The following STRIP2 variants were observed in gnomAD, a reference collection of about 807,000 sequenced individuals.
The protein encoded by STRIP2 is striatin-interacting protein 2.
A neutral mutation model predicts 107.1 loss-of-function variants in STRIP2; 84 were observed. That is an observed-to-expected ratio of 0.78 (90% CI 0.66 to 0.94). The LOEUF (loss-of-function observed/expected upper bound fraction) is 0.94. Ranked by LOEUF, STRIP2 falls within the 40% of genes least tolerant of loss-of-function variation. The pLI is 0.00. For synonymous variants in STRIP2, 394 were observed against 400.4 expected, an observed-to-expected ratio of 0.98 and a Z score of 0.19; for missense variants, 888 against 1,034.2, an observed-to-expected ratio of 0.86 and a Z score of 1.94.
chr7:129,439,148 A>T (rs557669042), intron 1 of STRIP2, among the ~76,000 whole-genome samples: 6 of 152,296 alleles, frequency 3.9e-5, no homozygotes, highest in Non-Finnish European at 8.8e-5. Flanking sequence ...CTTTCCTAAC[A>T]TAAGTCACCT....
chr7:129,463,548 T>A (rs928865487), intron 14 of STRIP2, among the ~76,000 whole-genome samples: 1 of 151,268 alleles, frequency 6.6e-6, no homozygotes, highest in East Asian at 1.9e-4. Context: ...CAGGCTGGAG[T>A]GCAGTGGCAC....
Position 129,453,258 on chromosome 7 carries a change from T to C in STRIP2, c.441T>C (p.Asp147=), listed in dbSNP as rs1310353154. 3 of 1,614,126 alleles carry C rather than the reference T, an allele frequency of 1.9e-6. No homozygotes were observed. The highest frequency in any genetic ancestry group is 1.1e-5 in the South Asian group (1 of 91,084). The change falls in exon 5 of 21, where the codon GAT becomes GAC. Residue 147 remains aspartate (D), a synonymous_variant. Transcript: ENST00000249344. ...TTGGGGAATGTGATTCAGAGGTCGATGTGCTACACTGGTCCAGGTACAACT... is the reference window on the plus strand; with the variant it reads ...TTGGGGAATGTGATTCAGAGGTCGACGTGCTACACTGGTCCAGGTACAACT... ...GTFGECDSEV[D]VLHWSRYNCF...
rs1250112792 is a variant in STRIP2, at chr7:129,480,817, G to A, written c.1977G>A (p.Arg659=). The change falls in exon 19 of 21, where the codon AGG becomes AGA. Residue 659 remains arginine (R), a synonymous_variant. Coordinates refer to ENST00000249344, the MANE Select transcript of STRIP2 (RefSeq NM_020704.3). ...GAGACAACAGCCAGTTCTGCTGGAG[G>A]AACCTCTTTTCCTGCATCAACCTCC... is the stretch of plus-strand genomic sequence containing the variant. ...EAGDNSQFCW[R]NLFSCINLLR... 1.2e-6 allele frequency: 2 copies of A among 1,613,846 alleles called. No individual in the cohort carries two copies. Among genetic ancestry groups the A allele is most frequent in the African/African-American group, 2.7e-5 (2 of 74,912 alleles).
In STRIP2 at chr7:129,434,476, G is replaced by A; in HGVS notation, c.4G>A (p.Glu2Lys). The A allele has an allele frequency of 1.3e-6, 2 of 1,513,388 alleles. No homozygotes were observed. The highest frequency in any genetic ancestry group is 1.8e-6 in the Non-Finnish European group (2 of 1,137,514). The allele number at this position is 1,513,388 out of a possible 1,614,324, so 93.7% of individuals were successfully genotyped here. Residue 2 changes from glutamate to lysine, a missense_variant, in exon 1 of 21, where the codon GAG becomes AAG. By Grantham distance (56) the Glu-to-Lys change is moderately conservative (BLOSUM62 1). Transcript: ENST00000249344. ...AGGGGAGCCGCTGACCAGCAGCATG[G>A]AGGACCCCGCCGCGCCTGGGACCGG... Reference protein sequence around the residue: MEDPAAPGTGGP... With the variant: MKDPAAPGTGGP...
At chr7:129,436,065 G>A (rs1797730165) in intron 1 of STRIP2, among the ~76,000 whole-genome samples, 1 of 152,090 alleles carries the variant, frequency 6.6e-6, no homozygotes, top group African/African-American at 2.4e-5. Flanking sequence ...ACTTCAAGAT[G>A]AGTCTGGTCT....
At chr7:129,444,313 G>C (rs1326611342) in intron 3 of STRIP2, among the ~76,000 whole-genome samples, 2 of 152,154 alleles carry the variant, frequency 1.3e-5, no homozygotes, top group Non-Finnish European at 2.9e-5. Flanking sequence ...TCCCATAATA[G>C]GCTGTCTGCA....
intron 13 of STRIP2, 47 bp downstream of exon 13, chr7:129,460,419 T>A: frequency 2.6e-6 from 4 of 1,513,288 alleles, no homozygotes; most frequent in Non-Finnish European, 2.7e-6. Flanking sequence ...AGAAAACCTG[T>A]CTTCAGTGTT....
At chr7:129,460,434 C>A in intron 13 of STRIP2, 62 bp downstream of exon 13, 1 of 1,402,514 alleles carries the variant, frequency 7.1e-7, no homozygotes, top group Non-Finnish European at 1.0e-6. Flanking sequence ...AGTGTTGTCA[C>A]AGAGCATGTG....
Position 129,441,955 on chromosome 7 carries a change from G to A in STRIP2, c.199+1864G>A, listed in dbSNP as rs139858428. Among the ~76,000 whole-genome samples, 389 of 152,280 alleles carry A rather than the reference G, an allele frequency of 2.6e-3. 1 individual carries two copies. The highest frequency in any genetic ancestry group is 9.1e-3 in the African/African-American group (378 of 41,554). ...TATCAATAAATGCTTGGCCAGGTAC[G>A]GTAGCTCACATCTTGTAATCCCAGC... On this transcript the variant is annotated intron_variant, in intron 2 of 20. Coordinates refer to ENST00000249344, the MANE Select transcript of STRIP2 (RefSeq NM_020704.3).
At chr7:129,460,574 G>T in intron 13 of STRIP2, 1 of 575,090 alleles carries the variant, frequency 1.7e-6, no homozygotes, top group Non-Finnish European at 3.1e-6. Flanking sequence ...AACTATCAGA[G>T]AATGGTAAAT....
intron 18 of STRIP2, among the ~76,000 whole-genome samples, chr7:129,476,788 G>A (rs1798966111): frequency 6.6e-6 from 1 of 151,836 alleles, no homozygotes. Context: ...CCGGGCAGAG[G>A]CTGCAATCTC....
In STRIP2 at chr7:129,487,180, A is replaced by G. The variant is rs1286083056; in HGVS notation, c.*1351A>G. On this transcript the variant is annotated 3_prime_UTR_variant, in exon 21 of 21. Coordinates refer to ENST00000249344, the MANE Select transcript of STRIP2 (RefSeq NM_020704.3). The stretch of plus-strand genomic sequence containing the variant: ...AGGCACGCACCACCATGCCTGGCTA[A>G]TTTTTTGTATTTTTAGTAGAAACAG... 1.3e-5 allele frequency: 2 copies of G among 151,612 alleles called. No individual in the cohort carries two copies. The highest frequency in any genetic ancestry group is 4.9e-5 in the African/African-American group (2 of 41,222). 9.4% of individuals were successfully genotyped at this position (151,612 alleles called of 1,614,324 possible).
chr7:129,440,547 C>T (rs575818624), intron 2 of STRIP2, among the ~76,000 whole-genome samples: 4 of 152,148 alleles, frequency 2.6e-5, no homozygotes, highest in African/African-American at 9.7e-5. Context: ...CGCAACTGCC[C>T]CTTATTAAAA....
chr7:129,440,001 A>C, intron 1 of STRIP2, 21 bp from the exon 2 acceptor site: 1 of 1,611,162 alleles, frequency 6.2e-7, no homozygotes, highest in Non-Finnish European at 8.5e-7. Context: ...CCCAGTTACC[A>C]ACAAAATTTC....
chr7:129,447,130 T>C (rs1434190198), intron 3 of STRIP2, among the ~76,000 whole-genome samples: 2 of 152,342 alleles, frequency 1.3e-5, no homozygotes, highest in South Asian at 2.1e-4. Flanking sequence ...TGCTGGGTCA[T>C]ATGGCCCAAG....
At chr7:129,451,086 G>A (rs1368989452) in intron 3 of STRIP2, among the ~76,000 whole-genome samples, 1 of 151,316 alleles carries the variant, frequency 6.6e-6, no homozygotes, top group Admixed American at 6.6e-5. Flanking sequence ...ACAGGCGCCC[G>A]CCACTACGCC....
At chr7:129,467,202 AT>A (rs1798690243) in intron 16 of STRIP2, 147 bp from the exon 17 acceptor site, 1 of 623,088 alleles carries the variant, frequency 1.6e-6, no homozygotes, top group African/African-American at 1.8e-5. Flanking sequence ...GATTCTTCCC[AT>A]TTCCCAGACA....
Position 129,462,863 on chromosome 7 carries a change from T to A in STRIP2, c.1477-103T>A, listed in dbSNP as rs1420369897. The stretch of plus-strand genomic sequence containing the variant: ...GCTAGGGTAGAAACCTAGATCTGAC[T>A]CCCAGCTTAGTGCTCTTTTCAGGTC... On this transcript the variant is annotated intron_variant, in intron 13 of 20. Coordinates refer to ENST00000249344, the MANE Select transcript of STRIP2 (RefSeq NM_020704.3). The A allele has an allele frequency of 3.0e-5, 25 of 838,512 alleles. No individual in the cohort carries two copies. In the Admixed American group the frequency reaches 5.3e-4, roughly 18 times the overall value. 51.9% of individuals were successfully genotyped at this position (838,512 alleles called of 1,614,324 possible).
At chr7:129,446,231 C>A (rs992934907) in intron 3 of STRIP2, among the ~76,000 whole-genome samples, 1 of 152,250 alleles carries the variant, frequency 6.6e-6, no homozygotes, top group East Asian at 1.9e-4. Context: ...GTCATCCTAT[C>A]CACTTGATTA....
Sources: gnomAD v4.1 joint callset for allele counts (sites outside exome capture counted in the v4.1 genomes callset) on GRCh38, gnomAD v4.1.1 for gene constraint, MANE v1.5 for transcripts, NCBI Gene and HGNC (gene_info 2026-07-23, HGNC 2026-07-21) for gene names.